The following CDYL variants were observed in gnomAD, a reference collection of about 807,000 sequenced individuals.
CDYL encodes chromodomain Y like.
CDYL carries 8 observed loss-of-function variants against 47.3 expected under a neutral mutation model. The ratio of observed to expected loss-of-function variants is 0.17; its 90% confidence interval spans 0.10 to 0.31. The LOEUF is 0.31. Among genes scored for constraint, CDYL ranks in the 10% least tolerant of loss-of-function variants. The pLI is 1.00. For missense variants in CDYL, 471 were observed against 701.4 expected (o/e 0.67, Z 3.71); for synonymous variants, 266 against 265.0 (o/e 1.00, Z -0.04).
intron 1 of CDYL, among the ~76,000 whole-genome samples, chr6:4,813,570 G>A (rs944311554): frequency 6.6e-6 from 1 of 152,166 alleles, no homozygotes; most frequent in East Asian, 1.9e-4. Context: ...GCTAAATTAT[G>A]TGTTTAGGAT....
At chr6:4,822,848 A>G (rs537253958) in intron 1 of CDYL, among the ~76,000 whole-genome samples, 1 of 152,374 alleles carries the variant, frequency 6.6e-6, no homozygotes, top group South Asian at 2.1e-4. Context: ...GTGACCCCAC[A>G]GGTCTACTTC....
chr6:4,777,281 A>G (rs1758495139), intron 1 of CDYL, among the ~76,000 whole-genome samples: 1 of 152,182 alleles, frequency 6.6e-6, no homozygotes, highest in African/African-American at 2.4e-5. Flanking sequence ...CTGTTCGCCA[A>G]AGCGATGCAA....
At chr6:4,946,524 G>A (rs1758521000) in intron 5 of CDYL, among the ~76,000 whole-genome samples, 1 of 152,140 alleles carries the variant, frequency 6.6e-6, no homozygotes, top group South Asian at 2.1e-4. Flanking sequence ...GTCACAGGGA[G>A]TCCCCCCATG....
At chr6:4,857,330 A>G (rs1476317633) in intron 1 of CDYL, among the ~76,000 whole-genome samples, 1 of 152,238 alleles carries the variant, frequency 6.6e-6, no homozygotes, top group Non-Finnish European at 1.5e-5. Flanking sequence ...ATTTCTGGTG[A>G]AAAGTTTTAC....
chr6:4,863,323 A>C (rs1231443247), intron 1 of CDYL, among the ~76,000 whole-genome samples: 1 of 152,222 alleles, frequency 6.6e-6, no homozygotes, highest in Non-Finnish European at 1.5e-5. Context: ...CCATTGTAAC[A>C]AACTTGTACA....
At position 4,897,133 on chromosome 6, in the gene CDYL, A is replaced by C. The variant is rs149799646; in HGVS notation, c.691+4754A>C. ...CCTAATGAATTAATCCTACAAAAGA[A>C]GTAATTGCTTTTAAAAACTGGATTA... On this transcript the variant is annotated intron_variant, in intron 2 of 6. Coordinates refer to ENST00000397588, the MANE Select transcript of CDYL (RefSeq NM_004824.4). Among the ~76,000 whole-genome samples the C allele has an allele frequency of 5.8e-4, 88 of 152,378 alleles. 2 individuals are homozygous for C. Among genetic ancestry groups the C allele is most frequent in the Middle Eastern group, 3.4e-3 (1 of 294 alleles).
At chr6:4,924,208 C>G (rs1757800767) in intron 2 of CDYL, among the ~76,000 whole-genome samples, 1 of 151,912 alleles carries the variant, frequency 6.6e-6, no homozygotes, top group South Asian at 2.1e-4. Context: ...TTTTAAAGTC[C>G]CCTCACTGCT....
intron 1 of CDYL, among the ~76,000 whole-genome samples, chr6:4,884,025 A>C (rs1016798786): frequency 1.3e-5 from 2 of 152,098 alleles, no homozygotes; most frequent in Non-Finnish European, 2.9e-5. Flanking sequence ...AGCTTTCCCC[A>C]CTGTGAGAGC....
intron 2 of CDYL, among the ~76,000 whole-genome samples, chr6:4,725,893 G>A (rs1477159263): frequency 6.6e-6 from 1 of 152,226 alleles, no homozygotes; most frequent in Non-Finnish European, 1.5e-5. Context: ...GAGCATCTCT[G>A]TGCTTTTCCA....
intron 2 of CDYL, among the ~76,000 whole-genome samples, chr6:4,925,615 A>G (rs2127512655): frequency 6.6e-6 from 1 of 151,598 alleles, no homozygotes; most frequent in East Asian, 2.0e-4. Context: ...GCGGGGTTTC[A>G]CCGTGTCAGC....
intron 3 of CDYL, among the ~76,000 whole-genome samples, chr6:4,765,018 A>G (rs957015444): frequency 6.6e-6 from 1 of 151,750 alleles, no homozygotes; most frequent in African/African-American, 2.4e-5. Context: ...TTCTTTCACT[A>G]CAATGTTATT....
intron 1 of CDYL, among the ~76,000 whole-genome samples, chr6:4,799,695 C>T (rs993152783): frequency 2.0e-5 from 3 of 152,272 alleles, no homozygotes; most frequent in African/African-American, 2.4e-5. Context: ...TTGCTCGGCT[C>T]CCAAAGTGCT....
Position 4,904,479 on chromosome 6 carries a change from G to A in CDYL, c.691+12100G>A, listed in dbSNP as rs144668743. Among the ~76,000 whole-genome samples the A allele has an allele frequency of 6.4e-4, 98 of 152,306 alleles. 1 individual carries two copies. The highest frequency in any genetic ancestry group is 2.3e-3 in the African/African-American group (95 of 41,564). On this transcript the variant is annotated intron_variant, in intron 2 of 6. Transcript: ENST00000397588. ...TTCTGGACGATGTATTTGCTCTTCC[G>A]AGCAAGTGGATTTGATGCTCAATTC... is the stretch of plus-strand genomic sequence containing the variant.
intron 2 of CDYL, among the ~76,000 whole-genome samples, chr6:4,919,882 C>G (rs888320003): frequency 6.6e-6 from 1 of 152,040 alleles, no homozygotes; most frequent in African/African-American, 2.4e-5. Context: ...GAATTGAAAG[C>G]CGGGTGGTGA....
At chr6:4,740,834 T>G (rs556273707) in intron 3 of CDYL, among the ~76,000 whole-genome samples, 1 of 151,926 alleles carries the variant, frequency 6.6e-6, no homozygotes, top group African/African-American at 2.4e-5. Flanking sequence ...TCACCTAGGC[T>G]GGAGTGCAGT....
intron 1 of CDYL, among the ~76,000 whole-genome samples, chr6:4,891,095 A>G (rs1236690797): frequency 1.3e-5 from 2 of 152,258 alleles, no homozygotes; most frequent in Non-Finnish European, 2.9e-5. Context: ...CAGCATCTCC[A>G]TTGAAAGATG....
chr6:4,759,121 A>G (rs1758128594), intron 3 of CDYL, among the ~76,000 whole-genome samples: 1 of 151,792 alleles, frequency 6.6e-6, no homozygotes, highest in East Asian at 1.9e-4. Flanking sequence ...GGTGCCTGCC[A>G]CCACACCTGG....
intron 3 of CDYL, among the ~76,000 whole-genome samples, chr6:4,738,231 G>T (rs1757737326): frequency 1.3e-5 from 2 of 151,986 alleles, no homozygotes; most frequent in South Asian, 4.2e-4. Flanking sequence ...CAATAAATGA[G>T]CCAGGCATGG....
chr6:4,902,644 A>G (rs1757104289), intron 2 of CDYL, among the ~76,000 whole-genome samples: 1 of 152,018 alleles, frequency 6.6e-6, no homozygotes, highest in South Asian at 2.1e-4. Context: ...TAGGCACTGC[A>G]TTTATCTCCT....
Sources: gnomAD v4.1 joint callset for allele counts (sites outside exome capture counted in the v4.1 genomes callset) on GRCh38, gnomAD v4.1.1 for gene constraint, MANE v1.5 for transcripts, NCBI Gene and HGNC (gene_info 2026-07-23, HGNC 2026-07-21) for gene names.